Variants in LRRC8B observed in about 807,000 individuals in gnomAD.
LRRC8B encodes volume-regulated anion channel subunit LRRC8B.
In LRRC8B, 23 loss-of-function variants were observed where a neutral mutation model predicts 58.8. The observed-to-expected ratio is 0.39, with a 90% CI of 0.28 to 0.55. The LOEUF is 0.55. Among genes scored for constraint, LRRC8B ranks in the 20% least tolerant of loss-of-function variants. LRRC8B has a pLI of 0.62. For missense variants in LRRC8B, 694 were observed against 936.0 expected, an observed-to-expected ratio of 0.74 and a Z score of 3.37; for synonymous variants, 359 against 374.1, an observed-to-expected ratio of 0.96 and a Z score of 0.47.
At chr1:89,578,208 A>G (rs1044353367) in intron 3 of LRRC8B, among the ~76,000 whole-genome samples, 1 of 152,260 alleles carries the variant, frequency 6.6e-6, no homozygotes, top group African/African-American at 2.4e-5. Flanking sequence ...AGTAGAAAGT[A>G]TATTTCTAAT....
intron 1 of LRRC8B, among the ~76,000 whole-genome samples, chr1:89,552,632 A>G (rs1209166218): frequency 6.6e-6 from 1 of 152,212 alleles, no homozygotes; most frequent in Non-Finnish European, 1.5e-5. Flanking sequence ...GTTACCTAAG[A>G]AGCAAAAGAT....
intron 5 of LRRC8B, among the ~76,000 whole-genome samples, chr1:89,590,333 C>A (rs1222828146): frequency 6.6e-6 from 1 of 152,106 alleles, no homozygotes; most frequent in Non-Finnish European, 1.5e-5. Context: ...GATAAAATTG[C>A]TGAATTGAAG....
intron 1 of LRRC8B, among the ~76,000 whole-genome samples, chr1:89,542,340 T>A (rs1233457360): frequency 1.3e-5 from 2 of 152,198 alleles, no homozygotes; most frequent in Non-Finnish European, 2.9e-5. Flanking sequence ...TTACTGTGAT[T>A]ATAATAAAAT....
At chr1:89,562,365 T>G (rs796801958) in intron 1 of LRRC8B, among the ~76,000 whole-genome samples, 9 of 152,348 alleles carry the variant, frequency 5.9e-5, no homozygotes, top group African/African-American at 2.2e-4. Flanking sequence ...TGTAAACATG[T>G]GGGAGCTTCA....
intron 1 of LRRC8B, among the ~76,000 whole-genome samples, chr1:89,562,303 A>T (rs1652731970): frequency 6.6e-6 from 1 of 152,068 alleles, no homozygotes; most frequent in Non-Finnish European, 1.5e-5. Context: ...TTAACAGAAG[A>T]TTAACAGGAG....
At chr1:89,558,599 T>C (rs1226937948) in intron 1 of LRRC8B, 1 of 152,190 alleles carries the variant, frequency 6.6e-6, no homozygotes, top group African/African-American at 2.4e-5. Flanking sequence ...TTTGAGGGAA[T>C]AGAGGAAGAG....
chr1:89,570,415 C>G (rs528725924), intron 3 of LRRC8B, among the ~76,000 whole-genome samples: 1 of 152,254 alleles, frequency 6.6e-6, no homozygotes, highest in Non-Finnish European at 1.5e-5. Context: ...TCCTTTCTGG[C>G]TGGTGTGAGA....
chr1:89,557,442 G>A (rs898840126), intron 1 of LRRC8B, among the ~76,000 whole-genome samples: 3 of 152,126 alleles, frequency 2.0e-5, no homozygotes, highest in Non-Finnish European at 4.4e-5. Context: ...TTTTGCATCT[G>A]TTTGCTACTG....
chr1:89,534,002 T>G (rs778803842), intron 1 of LRRC8B, among the ~76,000 whole-genome samples: 1 of 152,202 alleles, frequency 6.6e-6, no homozygotes, highest in Non-Finnish European at 1.5e-5. Flanking sequence ...AGTTCCAGAT[T>G]TAGCAACTTG....
chr1:89,581,229 G>T (rs1021559962), intron 4 of LRRC8B, among the ~76,000 whole-genome samples: 1 of 148,042 alleles, frequency 6.8e-6, no homozygotes, highest in Non-Finnish European at 1.5e-5. Context: ...GACCCAGGAG[G>T]TGGAGGTTTC....
chr1:89,577,638 T>A (rs1653946669), intron 3 of LRRC8B, among the ~76,000 whole-genome samples: 1 of 152,216 alleles, frequency 6.6e-6, no homozygotes, highest in African/African-American at 2.4e-5. Context: ...ATAGGAAAAT[T>A]ATCATCATTT....
chr1:89,556,650 C>T (rs1652215378), intron 1 of LRRC8B, among the ~76,000 whole-genome samples: 1 of 152,132 alleles, frequency 6.6e-6, no homozygotes, highest in Non-Finnish European at 1.5e-5. Flanking sequence ...AAAAAGACAT[C>T]TCACTCTGCA....
intron 5 of LRRC8B, among the ~76,000 whole-genome samples, chr1:89,586,239 A>G (rs1245831970): frequency 6.6e-6 from 1 of 152,220 alleles, no homozygotes; most frequent in Non-Finnish European, 1.5e-5. Flanking sequence ...TGCATTTCTA[A>G]GAAGTCCCCA....
rs1654368877 is a variant in LRRC8B at position 89,583,213 on chromosome 1, T to C, written c.563T>C (p.Ile188Thr). 1 of 1,614,000 alleles carries C rather than the reference T, an allele frequency of 6.2e-7. No individual in the cohort carries two copies. Among genetic ancestry groups the C allele is most frequent in the African/African-American group, 1.3e-5 (1 of 74,900 alleles). Residue 188 changes from isoleucine (I) to threonine (T), a missense_variant, in exon 5 of 6, where the codon ATT (isoleucine) becomes ACT (threonine). This residue lies in a region of LRRC8B where 316 missense variants were observed against 403.8 expected (regional missense o/e 0.78). Coordinates refer to ENST00000330947, the MANE Select transcript of LRRC8B (RefSeq NM_001369817.2). The surrounding 1 kb of genome is among the most constrained non-coding windows in gnomAD (Gnocchi z 5.2). ...CCTCTGAAACTCTCCAAGTCCAAGA[T>C]TTTGCTTTCGTCCTCAGGGTGTTCA... ...VRPLKLSKSK[I>T]LLSSSGCSAD...
chr1:89,592,241 A>G (rs946600130), intron 5 of LRRC8B, among the ~76,000 whole-genome samples: 8 of 152,202 alleles, frequency 5.3e-5, no homozygotes, highest in African/African-American at 1.4e-4. Flanking sequence ...TGAAATGTGC[A>G]TGTATATATA....
intron 1 of LRRC8B, among the ~76,000 whole-genome samples, chr1:89,556,006 A>AC (rs1047937485): frequency 6.6e-6 from 1 of 152,184 alleles, no homozygotes; most frequent in African/African-American, 2.4e-5. Context: ...CACTGTAGGC[A>AC]CCTGGGTAGC....
chr1:89,547,510 T>A (rs1175482791), intron 1 of LRRC8B, among the ~76,000 whole-genome samples: 1 of 152,220 alleles, frequency 6.6e-6, no homozygotes, highest in Non-Finnish European at 1.5e-5. Flanking sequence ...AAAACAGCAA[T>A]TATGGAATGT....
intron 1 of LRRC8B, among the ~76,000 whole-genome samples, chr1:89,525,450 A>G (rs1032033000): frequency 8.5e-5 from 13 of 152,140 alleles, no homozygotes; most frequent in Admixed American, 7.9e-4. Flanking sequence ...GGGTGCCCCC[A>G]TTTGGTCGCT....
chr1:89,574,678 G>A (rs1653716233), intron 3 of LRRC8B, among the ~76,000 whole-genome samples: 1 of 152,040 alleles, frequency 6.6e-6, no homozygotes, highest in Admixed American at 6.6e-5. Context: ...ATTTTAAGCA[G>A]ACTTTAGAGG....
Sources: allele counts gnomAD v4.1 joint callset (sites outside exome capture counted in the v4.1 genomes callset), GRCh38; gene constraint gnomAD v4.1.1; regional missense constraint gnomAD v4.1.1; non-coding constraint Gnocchi (gnomAD v3.1); transcripts MANE v1.5; gene names NCBI Gene and HGNC (gene_info 2026-07-23, HGNC 2026-07-21).